MEIS2: variants seen among roughly 807,000 people sequenced by gnomAD.
MEIS2 encodes the protein Meis homeobox 2.
MEIS2 carries 9 observed loss-of-function variants against 58.6 expected under a neutral mutation model. The ratio of observed to expected loss-of-function variants is 0.15; its 90% confidence interval spans 0.09 to 0.27. The LOEUF (loss-of-function observed/expected upper bound fraction) is 0.27. Ranked by LOEUF, MEIS2 falls within the 10% of genes least tolerant of loss-of-function variation. The probability of loss-of-function intolerance (pLI) is 1.00; values close to 1 mark genes in which losing one functional copy is unlikely to be tolerated. For missense variants in MEIS2, 427 were observed against 635.0 expected (o/e 0.67, Z 3.52); for synonymous variants, 221 against 228.4 (o/e 0.97, Z 0.29).
intron 8 of MEIS2, among the ~76,000 whole-genome samples, chr15:36,953,145 A>G (rs1374577494): frequency 1.8e-4 from 28 of 152,206 alleles, no homozygotes. Flanking sequence ...GATTGAAAAC[A>G]ATCAGCTTTC....
chr15:36,904,065 A>G (rs2141245792), intron 9 of MEIS2: 1 of 152,336 alleles, frequency 6.6e-6, no homozygotes, highest in East Asian at 1.9e-4. Context: ...CAAGTGGACA[A>G]GTAGTCCAGG....
intron 9 of MEIS2, among the ~76,000 whole-genome samples, chr15:36,931,730 G>C (rs558768344): frequency 6.6e-6 from 1 of 152,256 alleles, no homozygotes; most frequent in African/African-American, 2.4e-5. Flanking sequence ...GGATCAACCT[G>C]TCTCCACTGG....
At chr15:37,044,838 T>C (rs2062594186) in intron 7 of MEIS2, among the ~76,000 whole-genome samples, 1 of 152,186 alleles carries the variant, frequency 6.6e-6, no homozygotes, top group African/African-American at 2.4e-5. Flanking sequence ...TCTGTGAGCT[T>C]TTGCGTTTCT....
At chr15:37,051,556 T>C (rs1289241804) in intron 7 of MEIS2, among the ~76,000 whole-genome samples, 1 of 152,242 alleles carries the variant, frequency 6.6e-6, no homozygotes, top group African/African-American at 2.4e-5. Context: ...CTCGTGAGTG[T>C]ATACAACTGC....
chr15:37,098,423 A>AGAGAGAGG lies in MEIS2; in HGVS notation c.13-225_13-224insCCTCTCTC, dbSNP rs1555474187. 437 of 1,194,650 alleles carry AGAGAGAGG rather than the reference A, an allele frequency of 3.7e-4. 7 individuals are homozygous for AGAGAGAGG. The African/African-American group carries it at 5.5e-3, about 15-fold the overall frequency. 74.0% of individuals were successfully genotyped at this position (1,194,650 alleles called of 1,614,324 possible). On this transcript the variant is annotated intron_variant, in intron 1 of 11. Coordinates refer to ENST00000561208, the MANE Select transcript of MEIS2 (RefSeq NM_170675.5). ...GAGAGAGAGAGAGAGAGAGAGAGAG[A>AGAGAGAGG]GAAAATAAAAATAAAAACAAAGTCA...
chr15:37,038,654 G>T lies in MEIS2; in HGVS notation c.755-1695C>A, dbSNP rs1456654431. Among the ~76,000 whole-genome samples the T allele has an allele frequency of 3.9e-5, 6 of 152,150 alleles. No individual in the cohort carries two copies. The East Asian group carries it at 1.2e-3, about 29-fold the overall frequency. ...CGAAGTTGCTGTTCTCTTTTTCTTT[G>T]CCTTCTGTTATGATAAGAAAAAAGG... is the stretch of plus-strand genomic sequence containing the variant. On this transcript the variant is annotated intron_variant, in intron 7 of 11. Coordinates refer to ENST00000561208, the MANE Select transcript of MEIS2 (RefSeq NM_170675.5).
At chr15:37,080,927 T>C (rs1376610742) in intron 7 of MEIS2, among the ~76,000 whole-genome samples, 1 of 152,226 alleles carries the variant, frequency 6.6e-6, no homozygotes. Context: ...TTTTGGTTCA[T>C]TGCTGAAACA....
chr15:36,958,485 A>G (rs1398027318), intron 8 of MEIS2, among the ~76,000 whole-genome samples: 1 of 152,240 alleles, frequency 6.6e-6, no homozygotes, highest in Non-Finnish European at 1.5e-5. Flanking sequence ...AACAGAATCA[A>G]GTGAGTTTAT....
At chr15:36,924,218 A>G (rs1011887713) in intron 9 of MEIS2, among the ~76,000 whole-genome samples, 1 of 152,198 alleles carries the variant, frequency 6.6e-6, no homozygotes, top group East Asian at 1.9e-4. Flanking sequence ...CTATCTAGTA[A>G]TACTCCTGGC....
At chr15:37,077,737 C>T (rs1433820798) in intron 7 of MEIS2, among the ~76,000 whole-genome samples, 5 of 151,810 alleles carry the variant, frequency 3.3e-5, no homozygotes, top group Non-Finnish European at 5.9e-5. Context: ...GAAGGGGGCG[C>T]GGCATGACGT....
intron 8 of MEIS2, among the ~76,000 whole-genome samples, chr15:36,959,536 A>G (rs1402567459): frequency 6.6e-6 from 1 of 152,230 alleles, no homozygotes; most frequent in Non-Finnish European, 1.5e-5. Flanking sequence ...CATCCCCAAA[A>G]TACTATTTTA....
At chr15:37,085,980 T>C (rs1033262615) in intron 6 of MEIS2, among the ~76,000 whole-genome samples, 3 of 152,148 alleles carry the variant, frequency 2.0e-5, no homozygotes, top group Non-Finnish European at 2.9e-5. Context: ...AGCAATAGCA[T>C]GGTGTGAGTT....
intron 7 of MEIS2, among the ~76,000 whole-genome samples, chr15:37,072,372 A>T (rs1053824866): frequency 5.3e-5 from 8 of 152,058 alleles, no homozygotes; most frequent in Non-Finnish European, 8.8e-5. Context: ...CTGTATTTAT[A>T]TGCATCTGAG....
chr15:36,984,894 C>T (rs1343959364), intron 8 of MEIS2, among the ~76,000 whole-genome samples: 2 of 152,078 alleles, frequency 1.3e-5, no homozygotes, highest in African/African-American at 2.4e-5. Flanking sequence ...TCATAGCAGT[C>T]TCTTATAATC....
At chr15:36,895,124 G>C in intron 11 of MEIS2, 27 bp downstream of exon 11, 1 of 1,590,654 alleles carries the variant, frequency 6.3e-7, no homozygotes, top group Non-Finnish European at 8.6e-7. Context: ...TCCCAGGGAA[G>C]CCCAGAGGCG....
chr15:36,905,659 A>G (rs529575431), intron 9 of MEIS2, among the ~76,000 whole-genome samples: 14 of 152,342 alleles, frequency 9.2e-5, no homozygotes, highest in Admixed American at 2.0e-4. Context: ...AATAATTTTT[A>G]AGGTCCATAG....
intron 9 of MEIS2, among the ~76,000 whole-genome samples, chr15:36,940,807 G>A (rs868548280): frequency 6.6e-6 from 1 of 152,160 alleles, no homozygotes; most frequent in Non-Finnish European, 1.5e-5. Flanking sequence ...AAAGGCACAC[G>A]GAGTCATGTG....
intron 9 of MEIS2, among the ~76,000 whole-genome samples, chr15:36,929,313 A>G (rs2057875107): frequency 6.6e-6 from 1 of 152,212 alleles, no homozygotes; most frequent in Non-Finnish European, 1.5e-5. Flanking sequence ...CTCCCTTCCA[A>G]AGACCAATAA....
intron 8 of MEIS2, among the ~76,000 whole-genome samples, chr15:36,975,376 A>G (rs1742393020): frequency 6.6e-6 from 1 of 151,952 alleles, no homozygotes; most frequent in South Asian, 2.1e-4. Context: ...TGTTTTTTAA[A>G]TCCCATATCT....
Sources: allele counts gnomAD v4.1 joint callset (sites outside exome capture counted in the v4.1 genomes callset), GRCh38; gene constraint gnomAD v4.1.1; transcripts MANE v1.5; gene names NCBI Gene and HGNC (gene_info 2026-07-23, HGNC 2026-07-21).